The following AP3S1 variants were observed in gnomAD, a reference collection of about 807,000 sequenced individuals.
AP3S1 encodes the protein AP-3 complex subunit sigma-1.
Under a neutral mutation model 21.3 loss-of-function variants are expected in AP3S1, and 12 were observed. The ratio of observed to expected loss-of-function variants is 0.56; its 90% confidence interval spans 0.36 to 0.91. The LOEUF (loss-of-function observed/expected upper bound fraction) is 0.91, where lower values mean the gene tolerates loss of function less well. AP3S1 is among the 40% of genes least tolerant of loss of function. AP3S1 has a pLI of 0.01. For missense variants in AP3S1, 116 were observed against 225.0 expected (o/e 0.52, Z 3.10); for synonymous variants, 48 against 78.4 (o/e 0.61, Z 2.05).
chr5:115,880,408 C>G (rs113561367), intron 3 of AP3S1, among the ~76,000 whole-genome samples: 3,388 of 152,188 alleles, frequency 0.022, 121 homozygotes, highest in African/African-American at 0.078. Flanking sequence ...TATCTTTGTT[C>G]TCATTGGTTT....
intron 1 of AP3S1, among the ~76,000 whole-genome samples, chr5:115,854,597 C>A (rs1296582798): frequency 6.6e-6 from 1 of 152,076 alleles, no homozygotes; most frequent in Non-Finnish European, 1.5e-5. Context: ...AACACACTAA[C>A]TGAATTTTCT....
At chr5:115,902,312 A>G (rs1751285448) in intron 4 of AP3S1, among the ~76,000 whole-genome samples, 1 of 152,206 alleles carries the variant, frequency 6.6e-6, no homozygotes, top group Non-Finnish European at 1.5e-5. Flanking sequence ...AGTCATTGTA[A>G]GATGTATTTA....
intron 1 of AP3S1, among the ~76,000 whole-genome samples, chr5:115,850,592 C>T (rs977916167): frequency 6.6e-6 from 1 of 152,130 alleles, no homozygotes; most frequent in African/African-American, 2.4e-5. Flanking sequence ...CTCTAAAAAC[C>T]TCATATAGGA....
intron 3 of AP3S1, among the ~76,000 whole-genome samples, chr5:115,885,679 A>G (rs1580702782): frequency 6.6e-6 from 1 of 152,350 alleles, no homozygotes; most frequent in South Asian, 2.1e-4. Context: ...AGACACACCC[A>G]GAAACAATAC....
chr5:115,872,389 G>A (rs1349207648), intron 3 of AP3S1, among the ~76,000 whole-genome samples: 1 of 152,104 alleles, frequency 6.6e-6, no homozygotes, highest in African/African-American at 2.4e-5. Context: ...TCTTAAACTG[G>A]GTTTTTGGGA....
intron 5 of AP3S1, 124 bp downstream of exon 5, chr5:115,903,116 G>GT: frequency 1.4e-6 from 1 of 699,646 alleles, no homozygotes; most frequent in Non-Finnish European, 2.4e-6. Context: ...TGCTTATTCA[G>GT]TTTTTAAAAA....
chr5:115,850,190 A>T (rs964257577), intron 1 of AP3S1, among the ~76,000 whole-genome samples: 2 of 152,168 alleles, frequency 1.3e-5, no homozygotes, highest in African/African-American at 4.8e-5. Context: ...TTTGTTACTC[A>T]GGAGGAAAGG....
At chr5:115,879,846 G>C (rs147181119) in intron 3 of AP3S1, among the ~76,000 whole-genome samples, 4,508 of 152,030 alleles carry the variant, frequency 0.03, 240 homozygotes, top group African/African-American at 0.1. Context: ...GGCTTTTTTT[G>C]GTTGTTAGGC....
intron 1 of AP3S1, among the ~76,000 whole-genome samples, chr5:115,857,956 C>G (rs1005288997): frequency 3.9e-5 from 6 of 152,148 alleles, no homozygotes; most frequent in African/African-American, 1.4e-4. Flanking sequence ...GTTTTTAATG[C>G]ACTTATCACT....
intron 1 of AP3S1, among the ~76,000 whole-genome samples, chr5:115,850,497 C>T (rs1014209347): frequency 9.9e-5 from 15 of 152,168 alleles, no homozygotes; most frequent in Non-Finnish European, 5.9e-5. Flanking sequence ...AAACTTCTTA[C>T]ACATTAAACA....
At chr5:115,878,683 C>G (rs1407137610) in intron 3 of AP3S1, among the ~76,000 whole-genome samples, 1 of 152,100 alleles carries the variant, frequency 6.6e-6, no homozygotes, top group African/African-American at 2.4e-5. Context: ...TGTACAGGCT[C>G]TTTTTTGGTT....
At chr5:115,876,298 AAGG>A (rs1748707954) in intron 3 of AP3S1, among the ~76,000 whole-genome samples, 1 of 152,218 alleles carries the variant, frequency 6.6e-6, no homozygotes, top group Admixed American at 6.5e-5. Flanking sequence ...CACAGTAGTG[AAGG>A]AAGTAGTTTA....
chr5:115,843,399 T>C (rs1408037636), intron 1 of AP3S1, among the ~76,000 whole-genome samples: 1 of 152,230 alleles, frequency 6.6e-6, no homozygotes, highest in South Asian at 2.1e-4. Flanking sequence ...TTTCAGTTGT[T>C]TTGCTTTTGC....
At chr5:115,881,113 T>G (rs1749244033) in intron 3 of AP3S1, among the ~76,000 whole-genome samples, 1 of 152,128 alleles carries the variant, frequency 6.6e-6, no homozygotes, top group Non-Finnish European at 1.5e-5. Context: ...GAAGGGGTCT[T>G]CTGAATACAG....
intron 1 of AP3S1, among the ~76,000 whole-genome samples, chr5:115,866,424 T>G (rs920731971): frequency 2.6e-5 from 4 of 152,176 alleles, no homozygotes; most frequent in African/African-American, 9.6e-5. Context: ...TTCTTGTTGG[T>G]TTTTGAAACT....
chr5:115,911,452 T>C (rs1752103131), intron 5 of AP3S1, among the ~76,000 whole-genome samples: 1 of 152,014 alleles, frequency 6.6e-6, no homozygotes, highest in African/African-American at 2.4e-5. Flanking sequence ...CAGTTCATTA[T>C]TTGTCTTCTT....
chr5:115,853,675 A>T (rs183164095), intron 1 of AP3S1, among the ~76,000 whole-genome samples: 1 of 152,136 alleles, frequency 6.6e-6, no homozygotes, highest in East Asian at 1.9e-4. Flanking sequence ...ATTCTTTTAC[A>T]TGTGGATATT....
At chr5:115,892,171 G>A (rs771908314) in intron 3 of AP3S1, among the ~76,000 whole-genome samples, 1 of 152,174 alleles carries the variant, frequency 6.6e-6, no homozygotes, top group Non-Finnish European at 1.5e-5. Flanking sequence ...AATAAATGCT[G>A]GCAAGGATGT....
chr5:115,877,251 T>A lies in AP3S1; in HGVS notation c.273+7123T>A, dbSNP rs1442288402. Among the ~76,000 whole-genome samples, 8 of 152,226 alleles carry A rather than the reference T, an allele frequency of 5.3e-5. No homozygotes were observed. In the East Asian group the frequency reaches 1.2e-3, roughly 22 times the overall value. ...ATGTAGAAGGTGTAGGTTTGTTACA[T>A]AGGTATACACATGCCATGGTGGTTT... On this transcript the variant is annotated intron_variant, in intron 3 of 5. Coordinates refer to ENST00000316788, the MANE Select transcript of AP3S1 (RefSeq NM_001284.4).
Sources: allele counts gnomAD v4.1 joint callset (sites outside exome capture counted in the v4.1 genomes callset), GRCh38; gene constraint gnomAD v4.1.1; transcripts MANE v1.5; gene names NCBI Gene and HGNC (gene_info 2026-07-23, HGNC 2026-07-21).